Variants in GRM8 observed in about 807,000 individuals in gnomAD.
GRM8 encodes the protein glutamate metabotropic receptor 8.
A neutral mutation model predicts 87.2 loss-of-function variants in GRM8; 47 were observed. That is an observed-to-expected ratio of 0.54 (90% CI 0.43 to 0.69). GRM8 has a LOEUF of 0.69. Ranked by LOEUF, GRM8 falls within the 30% of genes least tolerant of loss-of-function variation. The pLI is 0.00. For synonymous variants in GRM8, 396 were observed against 404.5 expected, an observed-to-expected ratio of 0.98 and a Z score of 0.25; for missense variants, 1,019 against 1,139.2, an observed-to-expected ratio of 0.89 and a Z score of 1.52.
chr7:126,733,094 C>T (rs1239109845), intron 7 of GRM8, among the ~76,000 whole-genome samples: 4 of 151,924 alleles, frequency 2.6e-5, no homozygotes, highest in African/African-American at 7.3e-5. Context: ...CAATGTGGCC[C>T]AGGGAAGCCA....
At chr7:127,040,735 G>A (rs1416813552) in intron 3 of GRM8, among the ~76,000 whole-genome samples, 1 of 152,182 alleles carries the variant, frequency 6.6e-6, no homozygotes, top group African/African-American at 2.4e-5. Context: ...CCTGGTGTTG[G>A]GAGTTTGGTC....
At chr7:126,956,834 A>G (rs535858561) in intron 3 of GRM8, among the ~76,000 whole-genome samples, 16 of 152,260 alleles carry the variant, frequency 1.1e-4, no homozygotes, top group Non-Finnish European at 2.2e-4. Context: ...AGCAAACTTT[A>G]TTCTTTCAAC....
At chr7:127,212,286 A>G (rs1587286900) in intron 2 of GRM8, among the ~76,000 whole-genome samples, 1 of 152,226 alleles carries the variant, frequency 6.6e-6, no homozygotes, top group Non-Finnish European at 1.5e-5. Context: ...ACAGTCACGT[A>G]TCTAAGACAG....
In GRM8 at chr7:126,598,836, T is replaced by C. The variant is rs572136625; in HGVS notation, c.1494+10526A>G. ...AATATCTTAAAATGTTCTCATGGTA[T>C]ATGAGGTCTTATAGAATTTAAGTTC... is the stretch of plus-strand genomic sequence containing the variant. On this transcript the variant is annotated intron_variant, in intron 8 of 10. Coordinates refer to ENST00000339582, the MANE Select transcript of GRM8 (RefSeq NM_000845.3). Among the ~76,000 whole-genome samples, 13 of 152,198 alleles carry C rather than the reference T, an allele frequency of 8.5e-5. No individual in the cohort carries two copies. The South Asian group carries it at 2.5e-3, about 29-fold the overall frequency.
chr7:126,840,197 T>C (rs1430410109), intron 6 of GRM8, among the ~76,000 whole-genome samples: 1 of 152,190 alleles, frequency 6.6e-6, no homozygotes, highest in African/African-American at 2.4e-5. Flanking sequence ...TAACCTGAAA[T>C]TGGCTAAACA....
intron 3 of GRM8, among the ~76,000 whole-genome samples, chr7:127,039,394 A>G (rs17875169): frequency 6.6e-6 from 1 of 152,126 alleles, no homozygotes; most frequent in Admixed American, 6.5e-5. Flanking sequence ...GGCCTCAGAA[A>G]AAAGCAACCC....
At chr7:126,474,376 C>T (rs1432845009) in intron 9 of GRM8, among the ~76,000 whole-genome samples, 1 of 152,140 alleles carries the variant, frequency 6.6e-6, no homozygotes. Context: ...TTAAGCAATC[C>T]TCTCACCTCA....
intron 8 of GRM8, among the ~76,000 whole-genome samples, chr7:126,603,457 C>T (rs1242131719): frequency 6.6e-6 from 1 of 151,612 alleles, no homozygotes. Flanking sequence ...TCACTGTTTG[C>T]AGACGACATG....
chr7:127,130,592 T>TA (rs1271698038), intron 2 of GRM8, among the ~76,000 whole-genome samples: 1 of 152,142 alleles, frequency 6.6e-6, no homozygotes, highest in Non-Finnish European at 1.5e-5. Flanking sequence ...GAAACATGAT[T>TA]TAGTGTATCT....
At chr7:127,022,121 C>T (rs1008605492) in intron 3 of GRM8, among the ~76,000 whole-genome samples, 1 of 151,698 alleles carries the variant, frequency 6.6e-6, no homozygotes, top group East Asian at 1.9e-4. Context: ...GCCTTTGGAT[C>T]TTATTAGAAT....
intron 2 of GRM8, among the ~76,000 whole-genome samples, chr7:127,122,118 C>G (rs1416656033): frequency 6.6e-6 from 1 of 152,164 alleles, no homozygotes; most frequent in Non-Finnish European, 1.5e-5. Flanking sequence ...GGATACACTG[C>G]TATTCTTCAG....
chr7:126,782,155 T>G (rs1820145393), intron 6 of GRM8, among the ~76,000 whole-genome samples: 1 of 152,212 alleles, frequency 6.6e-6, no homozygotes, highest in Non-Finnish European at 1.5e-5. Context: ...TATTGTTTCT[T>G]GAGTCTTTAT....
At chr7:127,056,875 T>C (rs1209050865) in intron 3 of GRM8, among the ~76,000 whole-genome samples, 1 of 152,208 alleles carries the variant, frequency 6.6e-6, no homozygotes, top group Non-Finnish European at 1.5e-5. Flanking sequence ...TTGGTACATT[T>C]TTACTGGAGT....
chr7:126,660,913 G>A (rs951391861), intron 7 of GRM8, among the ~76,000 whole-genome samples: 1 of 152,112 alleles, frequency 6.6e-6, no homozygotes, highest in Non-Finnish European at 1.5e-5. Flanking sequence ...AAGTATAAAT[G>A]TATAAGGGTC....
intron 7 of GRM8, among the ~76,000 whole-genome samples, chr7:126,622,115 G>A (rs1800241719): frequency 6.6e-6 from 1 of 152,044 alleles, no homozygotes; most frequent in Non-Finnish European, 1.5e-5. Context: ...TTAATAAAAT[G>A]ATAAAATTTT....
chr7:127,156,629 T>C (rs948020956), intron 2 of GRM8, among the ~76,000 whole-genome samples: 1 of 152,166 alleles, frequency 6.6e-6, no homozygotes, highest in Non-Finnish European at 1.5e-5. Flanking sequence ...GCTCTTCCTC[T>C]ATATGACTGA....
At chr7:126,836,894 T>G (rs1308518565) in intron 6 of GRM8, among the ~76,000 whole-genome samples, 1 of 152,198 alleles carries the variant, frequency 6.6e-6, no homozygotes, top group Non-Finnish European at 1.5e-5. Context: ...ATTAAATTAA[T>G]GAAATCCCAG....
intron 3 of GRM8, among the ~76,000 whole-genome samples, chr7:127,011,185 AC>A (rs1814856451): frequency 6.6e-6 from 1 of 152,116 alleles, no homozygotes; most frequent in African/African-American, 2.4e-5. Flanking sequence ...AAATAGCACA[AC>A]CTTAAAACTC....
Position 126,848,594 on chromosome 7 carries a change from G to T in GRM8, c.1156+53948C>A, listed in dbSNP as rs141115733. 1.4e-3 allele frequency among the ~76,000 whole-genome samples: 208 copies of T among 152,230 alleles called. 1 individual carries two copies. In the South Asian group the frequency reaches 0.018, roughly 13 times the overall value. On this transcript the variant is annotated intron_variant, in intron 6 of 10. Transcript: ENST00000339582. ...CCCAGCACTTTTGGAGGCCAAGGGG[G>T]CAGATCACTTGTGGCCAGAAATTCG...
Sources: gnomAD v4.1 joint callset for allele counts (sites outside exome capture counted in the v4.1 genomes callset) on GRCh38, gnomAD v4.1.1 for gene constraint, MANE v1.5 for transcripts, NCBI Gene and HGNC (gene_info 2026-07-23, HGNC 2026-07-21) for gene names.